Variants in CACNA1C observed in about 807,000 individuals in gnomAD.
CACNA1C encodes the protein calcium voltage-gated channel subunit alpha1 C.
A neutral mutation model predicts 229.0 loss-of-function variants in CACNA1C; 30 were observed. That is an observed-to-expected ratio of 0.13 (90% CI 0.10 to 0.18). CACNA1C has a LOEUF of 0.18. Ranked by LOEUF, CACNA1C falls within the 10% of genes least tolerant of loss-of-function variation. The pLI is 1.00. For missense variants in CACNA1C, 1,658 were observed against 2,845.0 expected (o/e 0.58, Z 9.49); for synonymous variants, 1,114 against 1,132.5 (o/e 0.98, Z 0.33).
chr12:2,543,318 A>C (rs1216628934), intron 9 of CACNA1C, among the ~76,000 whole-genome samples: 1 of 152,192 alleles, frequency 6.6e-6, no homozygotes, highest in Non-Finnish European at 1.5e-5. Context: ...AAGTGAAGCA[A>C]GTTGGCTTTA....
At chr12:2,057,117 C>T (rs1350089432) in intron 1 of CACNA1C, among the ~76,000 whole-genome samples, 1 of 152,230 alleles carries the variant, frequency 6.6e-6, no homozygotes, top group Admixed American at 6.5e-5. Flanking sequence ...GTGGGACCAT[C>T]TCTCAGTCTT....
In CACNA1C at chr12:2,585,404, T is replaced by C. The variant is rs1184185290; in HGVS notation, c.2368T>C (p.Leu790=). 5 of 1,611,492 alleles carry C rather than the reference T, an allele frequency of 3.1e-6. No individual in the cohort carries two copies. In the Middle Eastern group the frequency reaches 4.9e-4, roughly 159 times the overall value. ...RTASPEKKQE[L]VEKPAVGESK... ...TGCCAGCCCAGAGAAGAAACAAGAG[T>C]TGGTGGAGAAGCCGGCAGTGGGGGA... Residue 790 remains leucine, a synonymous_variant, in exon 17 of 47, where the codon TTG becomes CTG. Coordinates refer to ENST00000399655, the MANE Select transcript of CACNA1C (RefSeq NM_000719.7). The surrounding 1 kb of genome is among the most constrained non-coding windows in gnomAD (Gnocchi z 4.1).
In CACNA1C at chr12:2,585,065, C is replaced by G. The variant is rs1487233045; in HGVS notation, c.2340-311C>G. 6.6e-6 allele frequency among the ~76,000 whole-genome samples: 1 copy of G among 152,158 alleles called. No homozygotes were observed. The highest frequency in any genetic ancestry group is 1.5e-5 in the Non-Finnish European group (1 of 68,022). ...GGACAGTTCCAGGCCACACAGCTGCCGGGCACTGAGCAGAGCTCCTCCAGG... is the reference window on the plus strand; with the variant it reads ...GGACAGTTCCAGGCCACACAGCTGCGGGGCACTGAGCAGAGCTCCTCCAGG... On this transcript the variant is annotated intron_variant, in intron 16 of 46. Transcript: ENST00000399655. This position sits in a 1 kb window ranked among gnomAD's most constrained non-coding sequence, Gnocchi z 4.1.
intron 3 of CACNA1C, among the ~76,000 whole-genome samples, chr12:2,299,482 T>C (rs1009648639): frequency 2.0e-5 from 3 of 152,130 alleles, no homozygotes; most frequent in South Asian, 2.1e-4. Context: ...ATGCTTGGCA[T>C]GGCTAGTTCA....
In CACNA1C at chr12:2,512,913, G is replaced by A; in HGVS notation, c.1319G>A (p.Trp440Ter). 1 of 1,612,580 alleles carries A rather than the reference G, an allele frequency of 6.2e-7. No homozygotes were observed. ...LEEDLKGYLDWITQAEDIDPE... is the reference protein window; with the variant it reads ...LEEDLKGYLD The stretch of plus-strand genomic sequence containing the variant: ...GAGGATCTCAAAGGCTACCTGGATT[G>A]GATCACTCAGGCCGAAGACATCGAT... Residue 440 changes from tryptophan (W) to a stop codon, truncating the protein, a stop_gained, in exon 9 of 47, where the codon TGG becomes TAG. Transcript: ENST00000399655. LOFTEE classifies it high-confidence loss of function. The surrounding 1 kb of genome is among the most constrained non-coding windows in gnomAD (Gnocchi z 4.3).
chr12:2,177,301 T>C (rs2154273811), intron 3 of CACNA1C, among the ~76,000 whole-genome samples: 1 of 152,268 alleles, frequency 6.6e-6, no homozygotes, highest in East Asian at 1.9e-4. Context: ...TGGGTTTGTA[T>C]ATGCAGTGAA....
intron 3 of CACNA1C, among the ~76,000 whole-genome samples, chr12:2,251,848 T>C (rs1438237677): frequency 6.6e-6 from 1 of 152,228 alleles, no homozygotes; most frequent in African/African-American, 2.4e-5. Flanking sequence ...TGGCACCTCC[T>C]CTGATTGATC....
At chr12:2,454,976 T>G (rs572005759) in intron 4 of CACNA1C, among the ~76,000 whole-genome samples, 1 of 152,118 alleles carries the variant, frequency 6.6e-6, no homozygotes, top group Non-Finnish European at 1.5e-5. Flanking sequence ...GCCCTTCGCA[T>G]GCACCCATCC....
At chr12:2,270,686 T>G (rs2084550378) in intron 3 of CACNA1C, among the ~76,000 whole-genome samples, 1 of 152,102 alleles carries the variant, frequency 6.6e-6, no homozygotes, top group Non-Finnish European at 1.5e-5. Context: ...TGGACTCCCT[T>G]TCTGGTTTAA....
chr12:2,400,071 A>G (rs950784394), intron 3 of CACNA1C, among the ~76,000 whole-genome samples: 1 of 152,204 alleles, frequency 6.6e-6, no homozygotes, highest in Non-Finnish European at 1.5e-5. Flanking sequence ...TCCTAAAACT[A>G]TATCACCAAC....
In CACNA1C at chr12:2,169,343, C is replaced by T. The variant is rs1347073616; in HGVS notation, c.477+48913C>T. Among the ~76,000 whole-genome samples the T allele has an allele frequency of 2.6e-5, 4 of 152,162 alleles. No individual in the cohort carries two copies. The East Asian group carries it at 5.8e-4, about 22-fold the overall frequency. On this transcript the variant is annotated intron_variant, in intron 3 of 46. Transcript: ENST00000399655. ...TCTTATATGGCTCTCAAATTTTTCT[C>T]TGATCTGTTCCCAATCTGAAACGTG...
chr12:2,130,187 A>G lies in CACNA1C; in HGVS notation c.477+9757A>G, dbSNP rs761962451. Reference sequence around the variant, plus strand: ...TTAGTCCCCTCGACTACCCCATGAGACCTTTCTTTTTTTTTTTTTTTTTTT... The same window carrying G: ...TTAGTCCCCTCGACTACCCCATGAGGCCTTTCTTTTTTTTTTTTTTTTTTT... On this transcript the variant is annotated intron_variant, in intron 3 of 46. Transcript: ENST00000399655. Among the ~76,000 whole-genome samples the G allele has an allele frequency of 2.2e-3, 211 of 96,470 alleles. 1 individual carries two copies. The highest frequency in any genetic ancestry group is 0.013 in the Middle Eastern group (2 of 160). 63.3% of individuals were successfully genotyped at this position (96,470 alleles called of 152,430 possible).
At chr12:2,380,250 G>A (rs1188856560) in intron 3 of CACNA1C, among the ~76,000 whole-genome samples, 1 of 151,998 alleles carries the variant, frequency 6.6e-6, no homozygotes, top group Non-Finnish European at 1.5e-5. Flanking sequence ...GTTTCCTGTA[G>A]CATCTGTGTA....
intron 3 of CACNA1C, among the ~76,000 whole-genome samples, chr12:2,345,350 T>C (rs2096982691): frequency 6.6e-6 from 1 of 151,208 alleles, no homozygotes; most frequent in Admixed American, 6.6e-5. Context: ...TGCGAAGAGG[T>C]CCAGGAGCCC....
intron 3 of CACNA1C, among the ~76,000 whole-genome samples, chr12:2,338,617 G>A (rs2096771848): frequency 6.6e-6 from 1 of 152,150 alleles, no homozygotes; most frequent in Admixed American, 6.5e-5. Flanking sequence ...CAGAGACTGG[G>A]TGATGTCTGA....
At chr12:2,222,206 C>G (rs867948973) in intron 3 of CACNA1C, 1 of 152,138 alleles carries the variant, frequency 6.6e-6, no homozygotes, top group African/African-American at 2.4e-5. Flanking sequence ...TTACCATGTC[C>G]AAGTATAAAC....
chr12:2,394,256 C>T (rs1469409568), intron 3 of CACNA1C, among the ~76,000 whole-genome samples: 1 of 152,250 alleles, frequency 6.6e-6, no homozygotes, highest in Non-Finnish European at 1.5e-5. Flanking sequence ...TGTGGCTTCT[C>T]TCTGGTATGG....
At chr12:2,157,539 C>G (rs1051301113) in intron 3 of CACNA1C, among the ~76,000 whole-genome samples, 1 of 152,240 alleles carries the variant, frequency 6.6e-6, no homozygotes, top group Non-Finnish European at 1.5e-5. Flanking sequence ...GGCAGAAGAT[C>G]TGCGTGGCTT....
intron 1 of CACNA1C, among the ~76,000 whole-genome samples, chr12:2,033,376 C>T (rs2470443): frequency 0.01 from 1,579 of 152,254 alleles, 31 homozygotes; most frequent in African/African-American, 0.035. Flanking sequence ...CTCTGGCATC[C>T]GACACCCTGG....
Sources: allele counts gnomAD v4.1 joint callset (sites outside exome capture counted in the v4.1 genomes callset), GRCh38; gene constraint gnomAD v4.1.1; non-coding constraint Gnocchi (gnomAD v3.1); transcripts MANE v1.5; gene names NCBI Gene and HGNC (gene_info 2026-07-23, HGNC 2026-07-21).